Variants in PTPRD observed in about 807,000 individuals in gnomAD.
PTPRD encodes the protein protein tyrosine phosphatase receptor type D.
In PTPRD, 34 loss-of-function variants were observed where a neutral mutation model predicts 214.5. The ratio of observed to expected loss-of-function variants is 0.16; its 90% confidence interval spans 0.12 to 0.21. PTPRD has a LOEUF of 0.21. Ranked by LOEUF, PTPRD falls within the 10% of genes least tolerant of loss-of-function variation. PTPRD has a pLI of 1.00. For missense variants in PTPRD, 2,545 were observed against 2,398.7 expected (o/e 1.06, Z -1.27); for synonymous variants, 1,128 against 845.7 (o/e 1.33, Z -5.79).
chr9:9,582,445 G>C lies in PTPRD; in HGVS notation c.-286-7664C>G, dbSNP rs537131736. 1.5e-4 allele frequency among the ~76,000 whole-genome samples: 23 copies of C among 152,162 alleles called. No individual in the cohort carries two copies. In the Middle Eastern group the frequency reaches 0.01, roughly 68 times the overall value. On this transcript the variant is annotated intron_variant, in intron 7 of 45. Coordinates refer to ENST00000381196, the MANE Select transcript of PTPRD (RefSeq NM_002839.4). ...CTCCCAAGTAGAGCAATTAAAATAG[G>C]AGGAATCCAGATCAAATGACAGTGT...
chr9:8,555,490 G>C (rs1453652999), intron 14 of PTPRD, among the ~76,000 whole-genome samples: 1 of 152,168 alleles, frequency 6.6e-6, no homozygotes, highest in African/African-American at 2.4e-5. Context: ...TAATGCAGAA[G>C]GTTTTTATAT....
intron 8 of PTPRD, among the ~76,000 whole-genome samples, chr9:9,479,204 TAC>T (rs2095273432): frequency 8.2e-6 from 1 of 122,422 alleles, no homozygotes; most frequent in East Asian, 2.6e-4. Flanking sequence ...CATACATACA[TAC>T]ACACACACGC....
chr9:8,854,875 C>G (rs1335807384), intron 11 of PTPRD, among the ~76,000 whole-genome samples: 2 of 152,142 alleles, frequency 1.3e-5, no homozygotes. Flanking sequence ...CCTTATCAGT[C>G]CAATAAAGAA....
intron 9 of PTPRD, among the ~76,000 whole-genome samples, chr9:9,231,461 T>C (rs2099963051): frequency 6.6e-6 from 1 of 152,144 alleles, no homozygotes; most frequent in Non-Finnish European, 1.5e-5. Flanking sequence ...AATTAAAGGG[T>C]TTAACAAAGT....
chr9:9,517,311 G>A (rs145703620), intron 8 of PTPRD, among the ~76,000 whole-genome samples: 2 of 152,000 alleles, frequency 1.3e-5, no homozygotes, highest in African/African-American at 2.4e-5. Flanking sequence ...GTAGGGAGAC[G>A]CCCTGGAAAT....
At chr9:9,318,843 T>C (rs1487836104) in intron 9 of PTPRD, among the ~76,000 whole-genome samples, 4 of 152,136 alleles carry the variant, frequency 2.6e-5, no homozygotes, top group Non-Finnish European at 5.9e-5. Flanking sequence ...TCAAATGCAA[T>C]GATAATCAAA....
At chr9:8,632,857 C>T (rs997295929) in intron 14 of PTPRD, among the ~76,000 whole-genome samples, 3 of 151,888 alleles carry the variant, frequency 2.0e-5, no homozygotes, top group Non-Finnish European at 4.4e-5. Context: ...AGGTGCATTT[C>T]TTATACTTGG....
chr9:9,123,881 G>T (rs915129143), intron 10 of PTPRD, among the ~76,000 whole-genome samples: 1 of 152,048 alleles, frequency 6.6e-6, no homozygotes, highest in African/African-American at 2.4e-5. Flanking sequence ...TGTGTGAGTG[G>T]GAAATCATGA....
intron 8 of PTPRD, among the ~76,000 whole-genome samples, chr9:9,418,867 T>C (rs2077771104): frequency 6.6e-6 from 1 of 151,964 alleles, no homozygotes; most frequent in African/African-American, 2.4e-5. Flanking sequence ...TGCATGGAAC[T>C]TCAAAAGGAT....
At chr9:10,573,626 G>T (rs1423570423) in intron 2 of PTPRD, among the ~76,000 whole-genome samples, 1 of 152,136 alleles carries the variant, frequency 6.6e-6, no homozygotes, top group Non-Finnish European at 1.5e-5. Context: ...ACAGATGCTA[G>T]GCTGAAGGGG....
At chr9:10,143,623 C>T (rs1341473792) in intron 3 of PTPRD, among the ~76,000 whole-genome samples, 1 of 152,032 alleles carries the variant, frequency 6.6e-6, no homozygotes, top group African/African-American at 2.4e-5. Flanking sequence ...CATTGCAGCA[C>T]CATTCACAAT....
At chr9:10,544,374 C>T (rs1232868996) in intron 2 of PTPRD, among the ~76,000 whole-genome samples, 1 of 152,094 alleles carries the variant, frequency 6.6e-6, no homozygotes, top group Non-Finnish European at 1.5e-5. Context: ...GATACAACAG[C>T]TTATCGGCAT....
chr9:9,960,662 A>C (rs2094298581), intron 4 of PTPRD, among the ~76,000 whole-genome samples: 3 of 152,186 alleles, frequency 2.0e-5, no homozygotes, highest in African/African-American at 4.8e-5. Flanking sequence ...AACAGGAGAC[A>C]AATTCTAACA....
At chr9:10,345,080 T>G (rs1427402708) in intron 2 of PTPRD, among the ~76,000 whole-genome samples, 1 of 152,138 alleles carries the variant, frequency 6.6e-6, no homozygotes, top group African/African-American at 2.4e-5. Context: ...AAGACTTATC[T>G]TTTTGGTATG....
chr9:8,434,571 C>G (rs1270879363), intron 35 of PTPRD, among the ~76,000 whole-genome samples: 1 of 152,070 alleles, frequency 6.6e-6, no homozygotes, highest in African/African-American at 2.4e-5. Context: ...AGTGAATTAA[C>G]GGCTTACTAA....
rs770697853 is a variant in PTPRD at position 8,436,664 on chromosome 9, G to C, written c.4014C>G (p.Pro1338=). The change falls in exon 35 of 46, where the codon CCC becomes CCG. Residue 1338 remains proline (P), a synonymous_variant. Transcript: ENST00000381196. ...TPGMASHPPI[P]ILELADHIER... is the part of the protein sequence containing the mutation. ...CAATGTGGTCTGCAAGTTCCAAGAT[G>C]GGTATTGGAGGATGGCTAGCCATAC... The C allele has an allele frequency of 6.2e-7, 1 of 1,613,142 alleles. No individual in the cohort carries two copies. The highest frequency in any genetic ancestry group is 1.1e-5 in the South Asian group (1 of 91,030).
At chr9:8,416,555 A>C (rs2093952937) in intron 35 of PTPRD, among the ~76,000 whole-genome samples, 1 of 152,162 alleles carries the variant, frequency 6.6e-6, no homozygotes, top group African/African-American at 2.4e-5. Context: ...TGTAGGACTC[A>C]ACACTCTGGA....
intron 4 of PTPRD, among the ~76,000 whole-genome samples, chr9:10,025,077 G>A (rs2096898071): frequency 6.6e-6 from 1 of 151,838 alleles, no homozygotes; most frequent in Admixed American, 6.6e-5. Flanking sequence ...TGTGAATAGT[G>A]CCGCAATAAA....
chr9:9,934,826 A>C (rs1191077870), intron 5 of PTPRD, among the ~76,000 whole-genome samples: 1 of 152,266 alleles, frequency 6.6e-6, no homozygotes, highest in East Asian at 1.9e-4. Context: ...AAAAATCCTC[A>C]ATAAAATACT....
Sources: allele counts gnomAD v4.1 joint callset (sites outside exome capture counted in the v4.1 genomes callset), GRCh38; gene constraint gnomAD v4.1.1; transcripts MANE v1.5; gene names NCBI Gene and HGNC (gene_info 2026-07-23, HGNC 2026-07-21).